MORC4: variants seen among roughly 807,000 people sequenced by gnomAD.
MORC4 encodes MORC family CW-type zinc finger protein 4.
In MORC4, 22 loss-of-function variants were observed where a neutral mutation model predicts 65.5. That is an observed-to-expected ratio of 0.34 (90% CI 0.24 to 0.48). The LOEUF (loss-of-function observed/expected upper bound fraction) is 0.48, where lower values mean the gene tolerates loss of function less well. Among genes scored for constraint, MORC4 ranks in the 20% least tolerant of loss-of-function variants. The pLI, the probability that MORC4 is intolerant of heterozygous loss-of-function variation, is 0.99. For synonymous variants in MORC4, 267 were observed against 255.8 expected (o/e 1.04, Z -0.42); for missense variants, 624 against 703.0 (o/e 0.89, Z 1.27).
chrX:106,941,574 G>T lies in MORC4; in HGVS notation c.2719C>A (p.Leu907Ile). 8.3e-7 allele frequency: 1 copy of T among 1,210,285 alleles called. No homozygotes were observed. The highest frequency in any genetic ancestry group is 1.1e-6 in the Non-Finnish European group (1 of 894,349). ...IHVSYLLTSVLPHLELREIGY... is the reference protein window; with the variant it reads ...IHVSYLLTSVIPHLELREIGY... The stretch of plus-strand genomic sequence containing the variant: ...ATCTCACGAAGCTCCAAGTGAGGGA[G>T]GACAGAAGTAAGGAGATAGCTGACG... Residue 907 changes from leucine to isoleucine, a missense_variant, in exon 17 of 17, where the codon CTC becomes ATC. Physicochemically the swap from Leu to Ile is conservative, Grantham distance 5 (BLOSUM62 2). Transcript: ENST00000355610.
intron 7 of MORC4, among the ~76,000 whole-genome samples, chrX:106,980,599 A>C (rs1253540717): frequency 9.0e-6 from 1 of 111,620 alleles, no homozygotes; most frequent in Admixed American, 9.6e-5. Context: ...GGATTTTAAA[A>C]TAAATAAATA....
intron 9 of MORC4, among the ~76,000 whole-genome samples, chrX:106,970,337 G>C (rs959468595): frequency 8.9e-6 from 1 of 111,874 alleles, no homozygotes; most frequent in Non-Finnish European, 1.9e-5. Context: ...CAAAATAATA[G>C]GAGCTATTTA....
rs983245129 is a variant in MORC4, at chrX:106,942,037, T to C, written c.2561A>G (p.Gln854Arg). ...TTCCTTCAGTTTCTCTTTTAACTCT[T>C]GCTTTTCCTCTTTGGTTCTTTCCAG... Reference protein sequence around the residue: ...AELERTKEEKQELKEKLKETE... With the variant: ...AELERTKEEKRELKEKLKETE... The change falls in exon 16 of 17, where the codon CAA (glutamine) becomes CGA (arginine). Residue 854 changes from glutamine to arginine, a missense_variant. By Grantham distance (43) the Gln-to-Arg change is conservative. Transcript: ENST00000355610. The C allele has an allele frequency of 1.7e-6, 2 of 1,211,678 alleles. No individual in the cohort carries two copies. Among genetic ancestry groups the C allele is most frequent in the Non-Finnish European group, 2.2e-6 (2 of 895,394 alleles).
At position 106,976,677 on chromosome X, in the gene MORC4, C is replaced by T. The variant is rs147526562; in HGVS notation, c.1064G>A (p.Arg355His). 1.1e-4 allele frequency: 134 copies of T among 1,194,227 alleles called. 1 individual carries two copies. In the African/African-American group the frequency reaches 1.7e-3, roughly 16 times the overall value. Reference sequence around the variant, plus strand: ...TCCAATTACTCCTACACCTTCTCCACGAGTTGGCTTAGAAGAAAATATTAA... The same window carrying T: ...TCCAATTACTCCTACACCTTCTCCATGAGTTGGCTTAGAAGAAAATATTAA... ...EKVGCQVKPT[R>H]GEGVGVIGVI... Residue 355 changes from arginine (R) to histidine (H), a missense_variant, in exon 9 of 17, where the codon CGT becomes CAT. By Grantham distance (29) the Arg-to-His change is conservative (BLOSUM62 0). Coordinates refer to ENST00000355610, the MANE Select transcript of MORC4 (RefSeq NM_024657.5).
At position 106,942,143 on chromosome X, in the gene MORC4, T is replaced by C; in HGVS notation, c.2455A>G (p.Thr819Ala). Reference protein sequence around the residue: ...KVQHELVIYSTQEAEGLYWSK... With the variant: ...KVQHELVIYSAQEAEGLYWSK... ...CAGTACAAGCCTTCCGCCTCCTGGG[T>C]ACTGTAGATCACCAATTCATGTTGG... Residue 819 changes from threonine to alanine, a missense_variant, in exon 16 of 17, where the codon ACC (threonine) becomes GCC (alanine). Physicochemically the swap from Thr to Ala is moderately conservative, Grantham distance 58 (BLOSUM62 0). Transcript: ENST00000355610. The C allele has an allele frequency of 8.3e-7, 1 of 1,211,358 alleles. No homozygotes were observed.
At chrX:106,960,986 TG>T (rs1339391978) in intron 10 of MORC4, among the ~76,000 whole-genome samples, 4 of 112,374 alleles carry the variant, frequency 3.6e-5, no homozygotes, top group African/African-American at 1.3e-4. Flanking sequence ...TGACTGTGTA[TG>T]TGTTGGCACA....
chrX:106,977,529 C>T (rs1934650868), intron 8 of MORC4, among the ~76,000 whole-genome samples: 1 of 111,610 alleles, frequency 9.0e-6, no homozygotes, highest in Non-Finnish European at 1.9e-5. Context: ...AAAATATTTT[C>T]ACATAATTTA....
chrX:106,957,403 A>T (rs1187264397), intron 11 of MORC4, among the ~76,000 whole-genome samples: 1 of 111,791 alleles, frequency 8.9e-6, no homozygotes, highest in East Asian at 2.8e-4. Flanking sequence ...CTCTCCATGG[A>T]AAGATACTTG....
chrX:106,965,715 T>C (rs1170336792), intron 9 of MORC4, among the ~76,000 whole-genome samples: 1 of 112,150 alleles, frequency 8.9e-6, no homozygotes, highest in African/African-American at 3.2e-5. Flanking sequence ...GAAATATATA[T>C]GTTAATAAAT....
intron 3 of MORC4, 136 bp downstream of exon 3, chrX:106,993,094 G>T: frequency 3.1e-6 from 2 of 648,839 alleles, no homozygotes; most frequent in Non-Finnish European, 4.7e-6. Flanking sequence ...CATAACCAGT[G>T]CCCTGGCACA....
rs780080103 is a variant in MORC4, at chrX:106,985,950, T to A, written c.526+33A>T. On this transcript the variant is annotated intron_variant, in intron 4 of 16. Coordinates refer to ENST00000355610, the MANE Select transcript of MORC4 (RefSeq NM_024657.5). ...TCAAACACTCAGATTAGACTAATTT[T>A]TAACCAACATTCTCCATTTCCAGAA... 16 of 1,135,902 alleles carry A rather than the reference T, an allele frequency of 1.4e-5. No individual in the cohort carries two copies. In the East Asian group the frequency reaches 4.5e-4, roughly 32 times the overall value. 93.6% of individuals were successfully genotyped at this position (1,135,902 alleles called of 1,213,427 possible). A position where few individuals can be genotyped will look rare whatever the true frequency, so the allele number is the denominator to read the frequency against.
At chrX:106,949,462 A>C (rs1426417350) in intron 14 of MORC4, among the ~76,000 whole-genome samples, 1 of 111,406 alleles carries the variant, frequency 9.0e-6, no homozygotes, top group Non-Finnish European at 1.9e-5. Flanking sequence ...TTCATGTTTC[A>C]TAATTTTTGT....
chrX:106,944,025 T>C (rs1160604330), intron 14 of MORC4, among the ~76,000 whole-genome samples: 1 of 112,620 alleles, frequency 8.9e-6, no homozygotes, highest in Non-Finnish European at 1.9e-5. Flanking sequence ...GGGAACCCCA[T>C]TTTTATCCTT....
chrX:106,978,150 T>G lies in MORC4; in HGVS notation c.986A>C (p.Gln329Pro). 1 of 1,207,487 alleles carries G rather than the reference T, an allele frequency of 8.3e-7. No individual in the cohort carries two copies. Among genetic ancestry groups the G allele is most frequent in the Non-Finnish European group, 1.1e-6 (1 of 892,201 alleles). The change falls in exon 8 of 17, where the codon CAG (glutamine) becomes CCG (proline). Residue 329 changes from glutamine (Q) to proline (P), a missense_variant. By Grantham distance (76) the Gln-to-Pro change is moderately conservative (BLOSUM62 -1). Coordinates refer to ENST00000355610, the MANE Select transcript of MORC4 (RefSeq NM_024657.5). ...GTTATGATACATCATTATTCCAAAC[T>G]GGTTACTATTCTTGCAAGAGAACCC... Reference protein sequence around the residue: ...TFGFSCKNSNQFGIMMYHNNR... With the variant: ...TFGFSCKNSNPFGIMMYHNNR...
rs1934813938 is a variant in MORC4 at position 106,984,292 on chromosome X, A to T, written c.674+804T>A. On this transcript the variant is annotated intron_variant, in intron 5 of 16. Coordinates refer to ENST00000355610, the MANE Select transcript of MORC4 (RefSeq NM_024657.5). ...GAGAGACTCTGTCTCAAAAAAAAAA[A>T]ATGTCCATGAATATGAAATAGATAT... is the stretch of plus-strand genomic sequence containing the variant. 2.8e-5 allele frequency among the ~76,000 whole-genome samples: 3 copies of T among 108,429 alleles called. No individual in the cohort carries two copies. The South Asian group carries it at 1.2e-3, about 44-fold the overall frequency. The allele number at this position is 108,429 out of a possible 115,157, so 94.2% of individuals were successfully genotyped here. A position where few individuals can be genotyped will look rare whatever the true frequency, so the allele number is the denominator to read the frequency against.
intron 5 of MORC4, among the ~76,000 whole-genome samples, chrX:106,983,689 T>G (rs993485158): frequency 3.7e-5 from 4 of 108,080 alleles, no homozygotes; most frequent in Non-Finnish European, 7.6e-5. Flanking sequence ...CATATTTATC[T>G]GCTTCAAAGA....
chrX:106,998,279 G>T (rs1428569292), intron 2 of MORC4, among the ~76,000 whole-genome samples: 2 of 112,316 alleles, frequency 1.8e-5, no homozygotes, highest in African/African-American at 6.5e-5. Context: ...ATGCATGCAT[G>T]TGTGTGCATA....
chrX:106,981,721 A>T (rs909382148), intron 5 of MORC4, among the ~76,000 whole-genome samples: 5 of 112,053 alleles, frequency 4.5e-5, no homozygotes, highest in African/African-American at 1.6e-4. Flanking sequence ...TTCATAAGGA[A>T]AAAAGAATGT....
chrX:106,959,701 G>A (rs1351690484), intron 10 of MORC4, among the ~76,000 whole-genome samples: 2 of 110,382 alleles, frequency 1.8e-5, no homozygotes, highest in African/African-American at 3.3e-5. Flanking sequence ...CACCACACCC[G>A]GCTAATGTTT....
Sources: gnomAD v4.1 joint callset for allele counts (sites outside exome capture counted in the v4.1 genomes callset) on GRCh38, gnomAD v4.1.1 for gene constraint, MANE v1.5 for transcripts, NCBI Gene and HGNC (gene_info 2026-07-23, HGNC 2026-07-21) for gene names.